Variants in CKMT2 observed in about 807,000 individuals in gnomAD.
CKMT2 encodes the protein creatine kinase, mitochondrial 2.
In CKMT2, 43 loss-of-function variants were observed where a neutral mutation model predicts 48.9. The ratio of observed to expected loss-of-function variants is 0.88; its 90% confidence interval spans 0.69 to 1.13. The LOEUF is 1.13. CKMT2 is among the 50% of genes most tolerant of loss of function. The probability of loss-of-function intolerance (pLI) is 0.00; values close to 1 mark genes in which losing one functional copy is unlikely to be tolerated. For missense variants in CKMT2, 472 were observed against 555.4 expected (o/e 0.85, Z 1.51); for synonymous variants, 206 against 213.0 (o/e 0.97, Z 0.29).
At chr5:81,254,580 AAGTC>A in intron 4 of CKMT2, 89 bp downstream of exon 4, 2 of 1,112,668 alleles carry the variant, frequency 1.8e-6, no homozygotes, top group Non-Finnish European at 2.7e-6. Flanking sequence ...TCCCCGCTGT[AAGTC>A]AGATACCCCT....
Position 81,252,578 on chromosome 5 carries a change from T to TC in CKMT2, c.153-114dup, listed in dbSNP as rs1756855488. 4 of 1,010,362 alleles carry TC rather than the reference T, an allele frequency of 4.0e-6. No individual in the cohort carries two copies. In the South Asian group the frequency reaches 5.8e-5, roughly 15 times the overall value. 62.6% of individuals were successfully genotyped at this position (1,010,362 alleles called of 1,614,324 possible). Reference sequence around the variant, plus strand: ...ACTCCTAGGCAGTTCTAGCCAAGTATCCCTGTGCCCACTGGCTGAAGGGAG... The same window carrying TC: ...ACTCCTAGGCAGTTCTAGCCAAGTATCCCCTGTGCCCACTGGCTGAAGGGAG... On this transcript the variant is annotated intron_variant, in intron 2 of 9. Coordinates refer to ENST00000254035, the MANE Select transcript of CKMT2 (RefSeq NM_001099735.2).
At chr5:81,244,173 CT>C (rs1267197436) in intron 1 of CKMT2, 99 of 985,358 alleles carry the variant, frequency 1.0e-4, no homozygotes, top group Non-Finnish European at 1.1e-4. Flanking sequence ...CAGCAGGCCA[CT>C]TTTCACTAAC....
chr5:81,243,618 T>C (rs1447425975), intron 1 of CKMT2, among the ~76,000 whole-genome samples: 1 of 152,168 alleles, frequency 6.6e-6, no homozygotes, highest in Non-Finnish European at 1.5e-5. Context: ...TACTGTGTCC[T>C]GATGTTCTGG....
chr5:81,259,178 A>C lies in CKMT2; in HGVS notation c.938A>C (p.Tyr313Ser), dbSNP rs1757120645. ...WEFMWNERLG[Y>S]ILTCPSNLGT... The stretch of plus-strand genomic sequence containing the variant: ...TTCATGTGGAATGAGCGCCTAGGAT[A>C]CATTTTGACCTGTCCTTCGAACCTT... The change falls in exon 8 of 10, where the codon TAC (tyrosine) becomes TCC (serine). Residue 313 changes from tyrosine to serine, a missense_variant. Tyr to Ser is a moderately radical substitution (Grantham distance 144). Coordinates refer to ENST00000254035, the MANE Select transcript of CKMT2 (RefSeq NM_001099735.2). 1 of 1,614,094 alleles carries C rather than the reference A, an allele frequency of 6.2e-7. No homozygotes were observed. The highest frequency in any genetic ancestry group is 1.1e-5 in the South Asian group (1 of 91,056).
chr5:81,234,876 G>A (rs920238509), intron 1 of CKMT2, among the ~76,000 whole-genome samples: 2 of 152,094 alleles, frequency 1.3e-5, no homozygotes, highest in African/African-American at 4.8e-5. Flanking sequence ...GGCTCCATTT[G>A]TCTTCCCAAA....
At chr5:81,246,189 T>C (rs1049106163) in intron 1 of CKMT2, among the ~76,000 whole-genome samples, 2 of 151,358 alleles carry the variant, frequency 1.3e-5, no homozygotes, top group African/African-American at 4.9e-5. Context: ...GCACGTCTCC[T>C]GCTTGCAAGC....
At chr5:81,235,602 G>A (rs1756220449) in intron 1 of CKMT2, among the ~76,000 whole-genome samples, 1 of 152,200 alleles carries the variant, frequency 6.6e-6, no homozygotes, top group South Asian at 2.1e-4. Context: ...AGGGGGCTCG[G>A]GCTGGAGGCA....
chr5:81,236,223 C>T (rs1021931325), intron 1 of CKMT2: 1 of 152,208 alleles, frequency 6.6e-6, no homozygotes, highest in Non-Finnish European at 1.5e-5. Context: ...GTTAAATGCA[C>T]TTCTACGGTC....
At chr5:81,259,682 G>A (rs1292048297) in intron 8 of CKMT2, among the ~76,000 whole-genome samples, 1 of 152,148 alleles carries the variant, frequency 6.6e-6, no homozygotes, top group Non-Finnish European at 1.5e-5. Flanking sequence ...TGATGCCGGG[G>A]TTGTTGGTCA....
At chr5:81,261,057 T>G (rs1757205419) in intron 8 of CKMT2, among the ~76,000 whole-genome samples, 1 of 152,206 alleles carries the variant, frequency 6.6e-6, no homozygotes, top group African/African-American at 2.4e-5. Flanking sequence ...CAAGGCTGGT[T>G]CAACGTACAC....
chr5:81,245,869 C>T (rs915621996), intron 1 of CKMT2, among the ~76,000 whole-genome samples: 1 of 152,166 alleles, frequency 6.6e-6, no homozygotes, highest in Non-Finnish European at 1.5e-5. Flanking sequence ...TGCTCCCCCA[C>T]CAGTGGGCCC....
At chr5:81,259,277 C>A (rs1281266824) in intron 8 of CKMT2, 23 bp downstream of exon 8, 2 of 1,606,348 alleles carry the variant, frequency 1.2e-6, no homozygotes, top group African/African-American at 1.3e-5. Context: ...GCCCAGTGGC[C>A]CTGATGGGCC....
chr5:81,241,579 C>A (rs1339744519), intron 1 of CKMT2, among the ~76,000 whole-genome samples: 1 of 152,200 alleles, frequency 6.6e-6, no homozygotes, highest in Non-Finnish European at 1.5e-5. Context: ...GTCCTAGAAA[C>A]TTGAGTTTTA....
chr5:81,248,592 A>G (rs1756690843), intron 1 of CKMT2, among the ~76,000 whole-genome samples: 1 of 152,242 alleles, frequency 6.6e-6, no homozygotes, highest in African/African-American at 2.4e-5. Flanking sequence ...AGTTTCCATG[A>G]TGAGAATGAA....
chr5:81,251,173 C>T lies in CKMT2; in HGVS notation c.41C>T (p.Ala14Val), dbSNP rs537796038. The T allele has an allele frequency of 5.5e-5, 88 of 1,613,982 alleles. No individual in the cohort carries two copies. Among genetic ancestry groups the T allele is most frequent in the Non-Finnish European group, 7.3e-5 (86 of 1,179,980 alleles). The change falls in exon 2 of 10, where the codon GCT (alanine) becomes GTT (valine). Residue 14 changes from alanine (A) to valine (V), a missense_variant. Transcript: ENST00000254035. ...IFSKLLTGRN[A>V]SLLFATMGTS... is the part of the protein sequence containing the mutation. Reference sequence around the variant, plus strand: ...TCTAAGTTGCTAACTGGCCGCAATGCTTCTCTGCTGTTTGCTACCATGGGC... The same window carrying T: ...TCTAAGTTGCTAACTGGCCGCAATGTTTCTCTGCTGTTTGCTACCATGGGC...
chr5:81,237,219 C>T (rs547238533), intron 1 of CKMT2, among the ~76,000 whole-genome samples: 7 of 152,186 alleles, frequency 4.6e-5, no homozygotes, highest in South Asian at 2.1e-4. Flanking sequence ...AGGGGCAGGC[C>T]GAGTGCTGGC....
rs75934747 is a variant in CKMT2 at position 81,236,803 on chromosome 5, C to T, written c.-21+3426C>T. Among the ~76,000 whole-genome samples, 1,108 of 152,250 alleles carry T rather than the reference C, an allele frequency of 7.3e-3. 14 individuals are homozygous for T. The highest frequency in any genetic ancestry group is 0.05 in the East Asian group (256 of 5,166). The stretch of plus-strand genomic sequence containing the variant: ...GGTTTTCAGAGGATGATCAGTAGAT[C>T]TGAAAGTATGTGATAGACACCTTTG... On this transcript the variant is annotated intron_variant, in intron 1 of 9. Coordinates refer to ENST00000254035, the MANE Select transcript of CKMT2 (RefSeq NM_001099735.2).
At chr5:81,246,121 T>C (rs1346657201) in intron 1 of CKMT2, among the ~76,000 whole-genome samples, 7 of 151,788 alleles carry the variant, frequency 4.6e-5, no homozygotes, top group African/African-American at 1.7e-4. Context: ...CACATGTCCC[T>C]CTAAACCATT....
At chr5:81,261,749 T>C (rs1333487841) in intron 8 of CKMT2, among the ~76,000 whole-genome samples, 3 of 152,192 alleles carry the variant, frequency 2.0e-5, no homozygotes, top group Non-Finnish European at 2.9e-5. Context: ...GAATCAATTA[T>C]AGTGAAAATG....
Sources: allele counts gnomAD v4.1 joint callset (sites outside exome capture counted in the v4.1 genomes callset), GRCh38; gene constraint gnomAD v4.1.1; transcripts MANE v1.5; gene names NCBI Gene and HGNC (gene_info 2026-07-23, HGNC 2026-07-21).